FHIT: variants seen among roughly 807,000 people sequenced by gnomAD.
FHIT encodes the protein fragile histidine triad diadenosine triphosphatase.
Under a neutral mutation model 17.9 loss-of-function variants are expected in FHIT, and 19 were observed. The observed-to-expected ratio is 1.06, with a 90% CI of 0.74 to 1.56. FHIT has a LOEUF of 1.56. Ranked by LOEUF, FHIT falls within the 40% of genes most tolerant of loss-of-function variation. The probability of loss-of-function intolerance (pLI) is 0.00; values close to 1 mark genes in which losing one functional copy is unlikely to be tolerated. For synonymous variants in FHIT, 81 were observed against 69.7 expected, an observed-to-expected ratio of 1.16 and a Z score of -0.81; for missense variants, 248 against 189.2, an observed-to-expected ratio of 1.31 and a Z score of -1.82.
intron 8 of FHIT, among the ~76,000 whole-genome samples, chr3:59,806,359 C>A (rs571097074): frequency 6.6e-6 from 1 of 152,092 alleles, no homozygotes; most frequent in South Asian, 2.1e-4. Flanking sequence ...GAGACAAACA[C>A]TTGACTATGG....
At chr3:60,539,758 A>G (rs999272601) in intron 4 of FHIT, among the ~76,000 whole-genome samples, 1 of 152,034 alleles carries the variant, frequency 6.6e-6, no homozygotes, top group African/African-American at 2.4e-5. Flanking sequence ...ACTTGGACAC[A>G]GGAAGGGGAA....
At chr3:60,980,328 A>G (rs1047208569) in intron 3 of FHIT, among the ~76,000 whole-genome samples, 1 of 152,218 alleles carries the variant, frequency 6.6e-6, no homozygotes, top group Non-Finnish European at 1.5e-5. Flanking sequence ...ACACCACAAA[A>G]AATGTAAAGA....
chr3:59,939,248 C>T (rs943424582), intron 7 of FHIT, among the ~76,000 whole-genome samples: 1 of 152,104 alleles, frequency 6.6e-6, no homozygotes, highest in Non-Finnish European at 1.5e-5. Context: ...GCTGGCCAAA[C>T]TTTTTCAGTG....
At chr3:60,346,966 C>G (rs1250588998) in intron 5 of FHIT, among the ~76,000 whole-genome samples, 3 of 152,132 alleles carry the variant, frequency 2.0e-5, no homozygotes, top group African/African-American at 7.2e-5. Flanking sequence ...TTTCTTCTAT[C>G]AGGCGTATCA....
rs149968683 is a variant in FHIT at position 61,073,364 on chromosome 3, A to G, written c.-163-31265T>C. 5.7e-3 allele frequency among the ~76,000 whole-genome samples: 868 copies of G among 152,340 alleles called. 7 individuals are homozygous for G. The highest frequency in any genetic ancestry group is 9.7e-3 in the Non-Finnish European group (662 of 68,020). ...GTGCACTTTTCTAAAAATGGTATTCATAAGAGTCAAGTGACTGGACAATTA... is the reference window on the plus strand; with the variant it reads ...GTGCACTTTTCTAAAAATGGTATTCGTAAGAGTCAAGTGACTGGACAATTA... On this transcript the variant is annotated intron_variant, in intron 2 of 9. Coordinates refer to ENST00000492590, the MANE Select transcript of FHIT (RefSeq NM_002012.4).
chr3:60,662,666 C>A (rs77456519), intron 4 of FHIT, among the ~76,000 whole-genome samples: 1 of 152,044 alleles, frequency 6.6e-6, no homozygotes, highest in South Asian at 2.1e-4. Flanking sequence ...AATATTGATT[C>A]TATCCATCCC....
chr3:60,264,886 TAATTGCCCCCCTGA>T (rs1309490665), intron 5 of FHIT, among the ~76,000 whole-genome samples: 1 of 152,034 alleles, frequency 6.6e-6, no homozygotes, highest in Non-Finnish European at 1.5e-5. Flanking sequence ...GAGCGTTTTC[TAATTGCCCCCCTGA>T]AATTTTAATA....
intron 2 of FHIT, among the ~76,000 whole-genome samples, chr3:61,174,506 T>C (rs2038099263): frequency 6.6e-6 from 1 of 152,248 alleles, no homozygotes; most frequent in Admixed American, 6.5e-5. Context: ...ATTTGATCTA[T>C]TCAGAGTTTA....
At chr3:60,603,639 A>G (rs1163076159) in intron 4 of FHIT, among the ~76,000 whole-genome samples, 1 of 152,202 alleles carries the variant, frequency 6.6e-6, no homozygotes, top group Admixed American at 6.5e-5. Flanking sequence ...TACATGAAAT[A>G]TAACACCACT....
At chr3:60,784,747 A>C (rs1700506414) in intron 4 of FHIT, among the ~76,000 whole-genome samples, 1 of 152,184 alleles carries the variant, frequency 6.6e-6, no homozygotes, top group Admixed American at 6.5e-5. Flanking sequence ...ATCTAATCCC[A>C]ATGTGATGGC....
intron 1 of FHIT, among the ~76,000 whole-genome samples, chr3:61,243,760 G>A (rs571392074): frequency 2.6e-5 from 4 of 152,106 alleles, no homozygotes; most frequent in South Asian, 2.1e-4. Flanking sequence ...AGTACAGGAC[G>A]AGAAACACAA....
chr3:60,015,482 A>T (rs973467672), intron 5 of FHIT, among the ~76,000 whole-genome samples: 1 of 152,208 alleles, frequency 6.6e-6, no homozygotes, highest in African/African-American at 2.4e-5. Flanking sequence ...CCGCTTTATT[A>T]TCATGGGTCA....
chr3:60,925,663 A>G (rs1434064128), intron 3 of FHIT, among the ~76,000 whole-genome samples: 3 of 152,212 alleles, frequency 2.0e-5, no homozygotes, highest in Non-Finnish European at 4.4e-5. Context: ...TAATGAGCAA[A>G]ATAACCAGCT....
chr3:60,962,036 C>T (rs894445938), intron 3 of FHIT, among the ~76,000 whole-genome samples: 2 of 152,138 alleles, frequency 1.3e-5, no homozygotes, highest in African/African-American at 4.8e-5. Context: ...GCCATTTTCA[C>T]GATATTGATT....
chr3:60,687,463 C>G (rs114780699), intron 4 of FHIT, among the ~76,000 whole-genome samples: 1,785 of 152,112 alleles, frequency 0.012, 38 homozygotes, highest in African/African-American at 0.041. Flanking sequence ...CTTTTCCAAG[C>G]TACTGATTTT....
chr3:60,643,040 G>C (rs1184759616), intron 4 of FHIT, among the ~76,000 whole-genome samples: 1 of 152,136 alleles, frequency 6.6e-6, no homozygotes, highest in Non-Finnish European at 1.5e-5. Context: ...TGAACTGGTA[G>C]TTCCACGTGG....
intron 4 of FHIT, among the ~76,000 whole-genome samples, chr3:60,550,531 C>T (rs570528709): frequency 2.0e-5 from 3 of 151,900 alleles, no homozygotes; most frequent in East Asian, 3.9e-4. Flanking sequence ...TATTTATAAA[C>T]AGAAAACACC....
At chr3:61,151,575 C>CTTTTT (rs58140463) in intron 2 of FHIT, among the ~76,000 whole-genome samples, 18 of 129,238 alleles carry the variant, frequency 1.4e-4, no homozygotes, top group Middle Eastern at 4.0e-3. Flanking sequence ...CTTTTCTTTT[C>CTTTTT]TTTTTTTTTT....
intron 7 of FHIT, among the ~76,000 whole-genome samples, chr3:59,951,884 C>G (rs999216400): frequency 6.6e-6 from 1 of 152,196 alleles, no homozygotes; most frequent in African/African-American, 2.4e-5. Context: ...CTCCATGTCT[C>G]TGAAAACATC....
Sources: allele counts gnomAD v4.1 joint callset (sites outside exome capture counted in the v4.1 genomes callset), GRCh38; gene constraint gnomAD v4.1.1; transcripts MANE v1.5; gene names NCBI Gene and HGNC (gene_info 2026-07-23, HGNC 2026-07-21).